The following NUP85 variants were observed in gnomAD, a reference collection of about 807,000 sequenced individuals.
The protein encoded by NUP85 is nuclear pore complex protein Nup85.
NUP85 carries 23 observed loss-of-function variants against 92.8 expected under a neutral mutation model. The observed-to-expected ratio is 0.25, with a 90% confidence interval of 0.18 to 0.35. NUP85 has a LOEUF of 0.35. NUP85 is among the 10% of genes least tolerant of loss of function. NUP85 has a pLI of 1.00. For missense variants in NUP85, 759 were observed against 822.8 expected, an observed-to-expected ratio of 0.92 and a Z score of 0.95; for synonymous variants, 314 against 306.9, an observed-to-expected ratio of 1.02 and a Z score of -0.24.
Position 75,208,607 on chromosome 17 carries a change from C to T in NUP85, c.114C>T (p.Ser38=). Residue 38 remains serine (S), a synonymous_variant, in exon 2 of 19, where the codon TCC becomes TCT. Transcript: ENST00000245544. The part of the protein sequence containing the change: ...GPGEMLVCET[S]FNKKEKSEMV... ...GGGAGATGCTGGTATGTGAAACCTC[C>T]TTCAACAAAAAAGGTAGGGTTTTTT... 7.5e-6 allele frequency: 12 copies of T among 1,591,350 alleles called. No individual in the cohort carries two copies. Among genetic ancestry groups the T allele is most frequent in the Non-Finnish European group, 1.0e-5 (12 of 1,162,288 alleles).
intron 5 of NUP85, among the ~76,000 whole-genome samples, chr17:75,214,379 G>T (rs565894596): frequency 6.6e-6 from 1 of 152,298 alleles, no homozygotes; most frequent in South Asian, 2.1e-4. Flanking sequence ...CAAGGTCCAG[G>T]TCTGATTTAT....
chr17:75,234,548 C>G (rs2076248235), intron 16 of NUP85, 89 bp from the exon 17 acceptor site: 1 of 1,378,486 alleles, frequency 7.3e-7, no homozygotes, highest in Non-Finnish European at 1.0e-6. Context: ...TTTTTCTTCT[C>G]CTGTTTAGGG....
At position 75,205,720 on chromosome 17, in the gene NUP85, A is replaced by T. The variant is rs755382511; in HGVS notation, c.-42A>T. The T allele has an allele frequency of 6.2e-7, 1 of 1,613,766 alleles. No individual in the cohort carries two copies. Among genetic ancestry groups the T allele is most frequent in the Admixed American group, 1.7e-5 (1 of 60,002 alleles). On this transcript the variant is annotated 5_prime_UTR_variant, in exon 1 of 19. Coordinates refer to ENST00000245544, the MANE Select transcript of NUP85 (RefSeq NM_024844.5). ...TGAGCGGGAGGCCTGAGCGGGAAGC[A>T]TTGGCGTCCGAGCGACTTCTAGGAG...
At chr17:75,218,414 G>C (rs2075495664) in intron 7 of NUP85, 108 bp downstream of exon 7, 1 of 1,404,678 alleles carries the variant, frequency 7.1e-7, no homozygotes, top group African/African-American at 1.4e-5. Flanking sequence ...CTGGCTTTTG[G>C]AGTCTGTTAC....
intron 5 of NUP85, among the ~76,000 whole-genome samples, chr17:75,213,568 C>T (rs952013821): frequency 2.0e-5 from 3 of 151,700 alleles, no homozygotes; most frequent in Non-Finnish European, 4.4e-5. Flanking sequence ...GGTGGGATTA[C>T]AGGTGTAAGC....
intron 7 of NUP85, among the ~76,000 whole-genome samples, chr17:75,221,688 A>G (rs2075602805): frequency 1.3e-5 from 2 of 152,220 alleles, no homozygotes; most frequent in Admixed American, 1.3e-4. Context: ...CGGTTGATGC[A>G]CAGTAAAAGC....
chr17:75,215,243 C>A (rs1270526973), intron 5 of NUP85, among the ~76,000 whole-genome samples: 1 of 152,182 alleles, frequency 6.6e-6, no homozygotes, highest in Admixed American at 6.6e-5. Flanking sequence ...GAGACAAGGT[C>A]TCGCTCTTGC....
chr17:75,220,852 CT>C (rs2075575797), intron 7 of NUP85, among the ~76,000 whole-genome samples: 1 of 148,038 alleles, frequency 6.8e-6, no homozygotes, highest in Non-Finnish European at 1.5e-5. Flanking sequence ...AGTGATTTGC[CT>C]GCCTCCCTCC....
intron 16 of NUP85, among the ~76,000 whole-genome samples, chr17:75,233,634 T>C (rs1420361137): frequency 2.0e-5 from 3 of 151,504 alleles, no homozygotes; most frequent in Admixed American, 2.0e-4. Context: ...AGTCTCACTC[T>C]GTCACCCGGG....
intron 5 of NUP85, among the ~76,000 whole-genome samples, chr17:75,214,657 G>A (rs958014454): frequency 6.6e-6 from 1 of 152,006 alleles, no homozygotes; most frequent in Non-Finnish European, 1.5e-5. Flanking sequence ...TTAGGAGTTC[G>A]AAACTAGCCT....
rs2076292673 is a variant in NUP85, at chr17:75,235,397, G to A, written c.1870-181G>A. On this transcript the variant is annotated intron_variant, in intron 18 of 18. Transcript: ENST00000245544. The stretch of plus-strand genomic sequence containing the variant: ...TCTAGTGTTCTCATCTCTACATTTT[G>A]TTCTTTGCTGTTCATCATTTCCAGT... 4.9e-6 allele frequency: 3 copies of A among 612,374 alleles called. No homozygotes were observed. In the South Asian group the frequency reaches 6.2e-5, roughly 13 times the overall value. The allele number at this position is 612,374 out of a possible 1,614,324, so 37.9% of individuals were successfully genotyped here.
intron 10 of NUP85, 72 bp from the exon 11 acceptor site, chr17:75,225,979 A>T: frequency 6.2e-7 from 1 of 1,603,532 alleles, no homozygotes; most frequent in Non-Finnish European, 8.5e-7. Flanking sequence ...GGGGTTCGTT[A>T]TACAGCAGCC....
chr17:75,235,233 A>C, intron 18 of NUP85, 32 bp downstream of exon 18: 1 of 1,545,446 alleles, frequency 6.5e-7, no homozygotes, highest in South Asian at 1.1e-5. Flanking sequence ...ATGGTTCCAC[A>C]TGGAGGTGGG....
At chr17:75,207,741 G>A (rs1306322238) in intron 1 of NUP85, among the ~76,000 whole-genome samples, 2 of 152,098 alleles carry the variant, frequency 1.3e-5, no homozygotes, top group African/African-American at 4.8e-5. Context: ...GCCTCCCAAA[G>A]TGCTGGGATT....
chr17:75,206,530 C>G (rs1291828689), intron 1 of NUP85, among the ~76,000 whole-genome samples: 1 of 151,948 alleles, frequency 6.6e-6, no homozygotes, highest in Non-Finnish European at 1.5e-5. Flanking sequence ...GAGGAAGGAG[C>G]TAGCAGGAGG....
chr17:75,209,740 C>A, intron 2 of NUP85, 83 bp from the exon 3 acceptor site: 1 of 1,209,536 alleles, frequency 8.3e-7, no homozygotes, highest in South Asian at 1.6e-5. Flanking sequence ...CCATGCCCGG[C>A]CACAGAAAAT....
At chr17:75,211,429 CT>C (rs35830323) in intron 3 of NUP85, among the ~76,000 whole-genome samples, 121,776 of 139,274 alleles carry the variant, frequency 0.87, 53,759 homozygotes, top group Non-Finnish European at 0.95. Context: ...CTGTCTTATT[CT>C]TTTTTTTTTT....
intron 3 of NUP85, among the ~76,000 whole-genome samples, chr17:75,210,797 A>G (rs1440697279): frequency 2.7e-5 from 4 of 147,096 alleles, no homozygotes; most frequent in African/African-American, 7.6e-5. Context: ...TGCCTCCTGG[A>G]TTCACGCCAT....
intron 7 of NUP85, 55 bp from the exon 8 acceptor site, chr17:75,225,048 G>A (rs925747962): frequency 1.3e-5 from 20 of 1,502,108 alleles, no homozygotes; most frequent in African/African-American, 2.8e-5. Context: ...GCCTCCTCAC[G>A]CCTCGGCAGG....
Sources: gnomAD v4.1 joint callset for allele counts (sites outside exome capture counted in the v4.1 genomes callset) on GRCh38, gnomAD v4.1.1 for gene constraint, MANE v1.5 for transcripts, NCBI Gene and HGNC (gene_info 2026-07-23, HGNC 2026-07-21) for gene names.